The following LOXL1 variants were observed in gnomAD, a reference collection of about 807,000 sequenced individuals.
LOXL1 encodes lysyl oxidase like 1, also known as lysyl oxidase homolog 1.
A neutral mutation model predicts 62.2 loss-of-function variants in LOXL1; 31 were observed. The observed-to-expected ratio is 0.50, with a 90% CI of 0.37 to 0.67. The LOEUF is 0.67. Ranked by LOEUF, LOXL1 falls within the 30% of genes least tolerant of loss-of-function variation. The pLI, the probability that LOXL1 is intolerant of heterozygous loss-of-function variation, is 0.00. For missense variants in LOXL1, 775 were observed against 843.4 expected, an observed-to-expected ratio of 0.92 and a Z score of 1.00; for synonymous variants, 403 against 384.4, an observed-to-expected ratio of 1.05 and a Z score of -0.56.
intron 1 of LOXL1, among the ~76,000 whole-genome samples, chr15:73,938,309 A>ATCTATCTATCTATCTT (rs2068689688): frequency 1.3e-5 from 2 of 151,232 alleles, no homozygotes; most frequent in African/African-American, 2.4e-5. Context: ...CTATCTATCT[A>ATCTATCTATCTATCTT]TCTATCTAGG....
In LOXL1 at chr15:73,926,878, A is replaced by G. The variant is rs1230073397; in HGVS notation, c.95A>G (p.Gln32Arg). 1.9e-6 allele frequency: 3 copies of G among 1,557,854 alleles called. No individual in the cohort carries two copies. The highest frequency in any genetic ancestry group is 2.6e-6 in the Non-Finnish European group (3 of 1,151,532). ...CACGGGCAGCAGGCGCAGCCCGGGC[A>G]GGGCTCGGACCCCGCCCGCTGGCGG... ...LVHGQQAQPG[Q>R]GSDPARWRQL... Residue 32 changes from glutamine to arginine, a missense_variant, in exon 1 of 7, where the codon CAG (glutamine) becomes CGG (arginine). Transcript: ENST00000261921.
intron 1 of LOXL1, among the ~76,000 whole-genome samples, chr15:73,929,112 C>T (rs1234876347): frequency 1.3e-5 from 2 of 152,250 alleles, no homozygotes; most frequent in Non-Finnish European, 1.5e-5. Context: ...CAGTGCTGGA[C>T]GGCCATCAGC....
At chr15:73,940,658 C>T (rs937804947) in intron 1 of LOXL1, among the ~76,000 whole-genome samples, 2 of 152,022 alleles carry the variant, frequency 1.3e-5, no homozygotes, top group African/African-American at 2.4e-5. Context: ...CAGGGTGTGC[C>T]CAGGGCCAGG....
At chr15:73,932,572 G>T (rs1196838478) in intron 1 of LOXL1, among the ~76,000 whole-genome samples, 18 of 152,312 alleles carry the variant, frequency 1.2e-4, no homozygotes, top group Non-Finnish European at 4.4e-5. Context: ...CCCAGTGTGG[G>T]GTTAGGGTGT....
Position 73,926,842 on chromosome 15 carries a change from G to C in LOXL1, c.59G>C (p.Cys20Ser). 1 of 1,539,840 alleles carries C rather than the reference G, an allele frequency of 6.5e-7. No individual in the cohort carries two copies. ...GCCCTGGTGTGGGGCGCCTGCCTGT[G>C]CGTGCTGGTGCACGGGCAGCAGGCG... ...LGALVWGACL[C>S]VLVHGQQAQP... The change falls in exon 1 of 7, where the codon TGC (cysteine) becomes TCC (serine). Residue 20 changes from cysteine to serine, a missense_variant. By Grantham distance (112) the Cys-to-Ser change is moderately radical. Coordinates refer to ENST00000261921, the MANE Select transcript of LOXL1 (RefSeq NM_005576.4).
intron 1 of LOXL1, among the ~76,000 whole-genome samples, chr15:73,938,778 G>A (rs895768053): frequency 3.3e-5 from 5 of 152,194 alleles, no homozygotes; most frequent in Admixed American, 3.3e-4. Context: ...GACTTTGGGA[G>A]GCTGAGGCAG....
chr15:73,948,419 C>T (rs949294403), intron 5 of LOXL1, among the ~76,000 whole-genome samples: 1 of 152,202 alleles, frequency 6.6e-6, no homozygotes, highest in Admixed American at 6.5e-5. Context: ...AGCATATTAA[C>T]AACACACATC....
intron 1 of LOXL1, among the ~76,000 whole-genome samples, chr15:73,940,018 C>T (rs1403017890): frequency 6.6e-6 from 1 of 152,172 alleles, no homozygotes; most frequent in Non-Finnish European, 1.5e-5. Context: ...TTGGACCAGT[C>T]AGTCACCCTC....
In LOXL1 at chr15:73,949,329, G is replaced by A. The variant is rs145523630; in HGVS notation, c.1603-130G>A. ...CCCCTCTGTGTCTCTCTAGCAGTGT[G>A]TCTCTGTTCTCCCTCTCTCTGTCAC... On this transcript the variant is annotated intron_variant, in intron 5 of 6. Transcript: ENST00000261921. 821 of 715,146 alleles carry A rather than the reference G, an allele frequency of 1.1e-3. 3 individuals carry two copies. In the African/African-American group the frequency reaches 0.013, roughly 11 times the overall value. The allele number at this position is 715,146 out of a possible 1,614,324, so 44.3% of individuals were successfully genotyped here. A position where few individuals can be genotyped will look rare whatever the true frequency, so the allele number is the denominator to read the frequency against.
intron 1 of LOXL1, among the ~76,000 whole-genome samples, chr15:73,938,840 C>T (rs1000306095): frequency 2.6e-5 from 4 of 152,146 alleles, no homozygotes; most frequent in Non-Finnish European, 4.4e-5. Context: ...ATGTTCACGC[C>T]ACTGCATTCC....
Position 73,927,091 on chromosome 15 carries a change from C to G in LOXL1, c.308C>G (p.Pro103Arg). 7.7e-7 allele frequency: 1 copy of G among 1,302,064 alleles called. No homozygotes were observed. Among genetic ancestry groups the G allele is most frequent in the Non-Finnish European group, 9.8e-7 (1 of 1,020,686 alleles). 80.7% of individuals were successfully genotyped at this position (1,302,064 alleles called of 1,614,324 possible). ...CGGCAGGCGCCGTCCCTGCCCCTGC[C>G]GGGGCGCGTGGGCTCGGACACCGTG... ...RRRQAPSLPL[P>R]GRVGSDTVRG... Residue 103 changes from proline (P) to arginine (R), a missense_variant, in exon 1 of 7, where the codon CCG becomes CGG. Pro to Arg is a moderately radical substitution (Grantham distance 103, BLOSUM62 -2). Transcript: ENST00000261921.
chr15:73,949,765 C>A (rs946568262), intron 6 of LOXL1, among the ~76,000 whole-genome samples, 191 bp downstream of exon 6: 1 of 152,098 alleles, frequency 6.6e-6, no homozygotes, highest in Non-Finnish European at 1.5e-5. Context: ...GGGGCTCAGG[C>A]CGTAGGGTGT....
At position 73,951,920 on chromosome 15, in the gene LOXL1, C is replaced by T; in HGVS notation, c.*83C>T. The T allele has an allele frequency of 3.8e-6, 5 of 1,307,214 alleles. No individual in the cohort carries two copies. Among genetic ancestry groups the T allele is most frequent in the Non-Finnish European group, 5.0e-6 (5 of 999,104 alleles). The allele number at this position is 1,307,214 out of a possible 1,614,324, so 81.0% of individuals were successfully genotyped here. A position where few individuals can be genotyped will look rare whatever the true frequency, so the allele number is the denominator to read the frequency against. ...GGCAGCCTCCCGCCGAGGGGCCCAG[C>T]CCCCAACCCACAGGCACGGAGGGGC... is the stretch of plus-strand genomic sequence containing the variant. On this transcript the variant is annotated 3_prime_UTR_variant, in exon 7 of 7. Transcript: ENST00000261921.
At position 73,927,827 on chromosome 15, in the gene LOXL1, C is replaced by T; in HGVS notation, c.1044C>T (p.Gly348=). The T allele has an allele frequency of 7.4e-7, 1 of 1,356,438 alleles. No homozygotes were observed. The highest frequency in any genetic ancestry group is 9.4e-7 in the Non-Finnish European group (1 of 1,063,350). 84.0% of individuals were successfully genotyped at this position (1,356,438 alleles called of 1,614,324 possible). A position where few individuals can be genotyped will look rare whatever the true frequency, so the allele number is the denominator to read the frequency against. Residue 348 remains glycine (G), a synonymous_variant, in exon 1 of 7, where the codon GGC becomes GGT. Transcript: ENST00000261921. ...CCCCGCCGGGTGGGGAGCGGAACGGCGCGCAGCAGGGCCGCCTCAGCGTGG... is the reference window on the plus strand; with the variant it reads ...CCCCGCCGGGTGGGGAGCGGAACGGTGCGCAGCAGGGCCGCCTCAGCGTGG... ...DTPPPGGERN[G]AQQGRLSVGS... is the part of the protein sequence containing the mutation.
chr15:73,928,231 C>T (rs2068606701), intron 1 of LOXL1: 2 of 264,842 alleles, frequency 7.6e-6, no homozygotes, highest in East Asian at 1.3e-4. Flanking sequence ...GCCCCTCATC[C>T]ACCTTCTCCC....
intron 5 of LOXL1, 138 bp downstream of exon 5, chr15:73,948,040 C>T: frequency 1.7e-6 from 1 of 604,326 alleles, no homozygotes; most frequent in Non-Finnish European, 2.9e-6. Flanking sequence ...TGAGGCATCA[C>T]TTGAGGTTTA....
chr15:73,943,021 C>A (rs113754328), intron 2 of LOXL1, 59 bp downstream of exon 2: 6 of 1,370,134 alleles, frequency 4.4e-6, no homozygotes, highest in Non-Finnish European at 1.0e-6. Context: ...TCACCCAGAA[C>A]CCAGCCTAGC....
Position 73,927,111 on chromosome 15 carries a change from A to T in LOXL1, c.328A>T (p.Thr110Ser), listed in dbSNP as rs2141617049. The T allele has an allele frequency of 7.4e-7, 1 of 1,350,258 alleles. No homozygotes were observed. Among genetic ancestry groups the T allele is most frequent in the African/African-American group, 1.5e-5 (1 of 65,972 alleles). 83.6% of individuals were successfully genotyped at this position (1,350,258 alleles called of 1,614,324 possible). Residue 110 changes from threonine (T) to serine (S), a missense_variant, in exon 1 of 7, where the codon ACC becomes TCC. Physicochemically the swap from Thr to Ser is moderately conservative, Grantham distance 58 (BLOSUM62 1). Transcript: ENST00000261921. ...CCTGCCGGGGCGCGTGGGCTCGGAC[A>T]CCGTGCGCGGCCAGGCGCGGCACCC... ...LPLPGRVGSD[T>S]VRGQARHPFG... is the part of the protein sequence containing the mutation.
chr15:73,946,386 C>CCCCCCCCCCAAA, intron 2 of LOXL1, 31 bp from the exon 3 acceptor site: 3 of 1,399,892 alleles, frequency 2.1e-6, no homozygotes, highest in Non-Finnish European at 2.0e-6. Context: ...TGTGCCCCAA[C>CCCCCCCCCCAAA]CCCCCCTCAT....
Sources: allele counts gnomAD v4.1 joint callset (sites outside exome capture counted in the v4.1 genomes callset), GRCh38; gene constraint gnomAD v4.1.1; transcripts MANE v1.5; gene names NCBI Gene and HGNC (gene_info 2026-07-23, HGNC 2026-07-21).